The following TUT4 variants were observed in gnomAD, a reference collection of about 807,000 sequenced individuals.
TUT4 encodes terminal uridylyl transferase 4.
TUT4 carries 36 observed loss-of-function variants against 192.2 expected under a neutral mutation model. The ratio of observed to expected loss-of-function variants is 0.19; its 90% CI spans 0.14 to 0.25. TUT4 has a LOEUF of 0.25. Among genes scored for constraint, TUT4 ranks in the 10% least tolerant of loss-of-function variants. The probability of loss-of-function intolerance (pLI) is 1.00; values close to 1 mark genes in which losing one functional copy is unlikely to be tolerated. For missense variants in TUT4, 1,493 were observed against 1,957.2 expected (o/e 0.76, Z 4.47); for synonymous variants, 618 against 666.0 (o/e 0.93, Z 1.11).
intron 1 of TUT4, among the ~76,000 whole-genome samples, chr1:52,527,595 A>C (rs574550124): frequency 3.9e-5 from 6 of 152,246 alleles, no homozygotes; most frequent in Admixed American, 1.3e-4. Context: ...TTAAAAAAAA[A>C]CAAAAGTAAT....
rs767917546 is a variant in TUT4, at chr1:52,481,576, C to T, written c.1695G>A (p.Glu565=). ...AATTACATTCCCACTTCACAAACTT[C>T]TCTTCTACTATGCCCTTCAGCTGAA... The part of the protein sequence containing the change: ...DDFQLKGIVE[E]KFVKWECNSS... Residue 565 remains glutamate, a synonymous_variant, in exon 11 of 30, where the codon GAG becomes GAA. Coordinates refer to ENST00000257177, the MANE Select transcript of TUT4 (RefSeq NM_001009881.3). 6.2e-7 allele frequency: 1 copy of T among 1,613,718 alleles called. No individual in the cohort carries two copies.
intron 2 of TUT4, among the ~76,000 whole-genome samples, chr1:52,523,482 G>A (rs961020269): frequency 5.9e-5 from 9 of 152,070 alleles, no homozygotes; most frequent in African/African-American, 2.2e-4. Context: ...GCGCACACCT[G>A]TAGTCCCAGC....
chr1:52,499,325 G>A (rs140396798), intron 4 of TUT4, among the ~76,000 whole-genome samples: 380 of 151,930 alleles, frequency 2.5e-3, no homozygotes, highest in Non-Finnish European at 4.4e-3. Flanking sequence ...CTTGAACCCG[G>A]AAGCAGAGGT....
At chr1:52,464,971 G>T in intron 16 of TUT4, 99 bp downstream of exon 16, 2 of 885,928 alleles carry the variant, frequency 2.3e-6, no homozygotes, top group South Asian at 2.0e-5. Flanking sequence ...TTTATACAAA[G>T]AGTGATACCA....
chr1:52,546,832 A>AT (rs1688202029), intron 1 of TUT4, among the ~76,000 whole-genome samples: 1 of 152,104 alleles, frequency 6.6e-6, no homozygotes, highest in Non-Finnish European at 1.5e-5. Context: ...TGTAAATAAT[A>AT]TATCTAAAAA....
At chr1:52,461,421 C>A in intron 18 of TUT4, 92 bp downstream of exon 18, 1 of 1,317,640 alleles carries the variant, frequency 7.6e-7, no homozygotes, top group Non-Finnish European at 1.1e-6. Context: ...TTTCCTTATA[C>A]TGTTCACATT....
At chr1:52,547,409 ACCTT>A (rs947434102) in intron 1 of TUT4, among the ~76,000 whole-genome samples, 6 of 151,880 alleles carry the variant, frequency 4.0e-5, no homozygotes, top group African/African-American at 1.2e-4. Context: ...AGAAATTGGA[ACCTT>A]CCATACATTG....
chr1:52,458,299 C>CA (rs749490772), intron 20 of TUT4, 37 bp downstream of exon 20: 332 of 1,512,904 alleles, frequency 2.2e-4, no homozygotes, highest in South Asian at 1.3e-3. Flanking sequence ...CTATTGTTTT[C>CA]AAAAAAAACT....
At chr1:52,442,475 T>C (rs1655950669) in intron 24 of TUT4, among the ~76,000 whole-genome samples, 1 of 152,240 alleles carries the variant, frequency 6.6e-6, no homozygotes, top group South Asian at 2.1e-4. Flanking sequence ...AAGGACATTT[T>C]TGACCATACA....
At chr1:52,432,263 T>C (rs1333133318) in intron 27 of TUT4, 6 of 152,150 alleles carry the variant, frequency 3.9e-5, no homozygotes, top group African/African-American at 1.4e-4. Context: ...AAAAGTGATC[T>C]TTTAGCTGAG....
intron 28 of TUT4, among the ~76,000 whole-genome samples, chr1:52,428,004 TA>T (rs1650545300): frequency 1.3e-5 from 2 of 152,094 alleles, no homozygotes. Flanking sequence ...AGGTACACAT[TA>T]AATGATGCCA....
chr1:52,537,784 G>A (rs542017308), intron 1 of TUT4, among the ~76,000 whole-genome samples: 20 of 152,062 alleles, frequency 1.3e-4, no homozygotes, highest in Non-Finnish European at 2.2e-4. Flanking sequence ...ATGGTGGCGC[G>A]TGCCTGTAAT....
In TUT4 at chr1:52,458,405, A is replaced by G; in HGVS notation, c.3366T>C (p.Tyr1122=). ...GDASRGSLSS[Y]AYILMVLYFL... ...AGTACAGCACCATAAGGATATATGC[A>G]TATGAAGATAAACTTCCCCTGGAAG... Residue 1122 remains tyrosine (Y), a synonymous_variant, in exon 20 of 30, where the codon TAT becomes TAC. Transcript: ENST00000257177. 6.2e-7 allele frequency: 1 copy of G among 1,613,826 alleles called. No homozygotes were observed. Among genetic ancestry groups the G allele is most frequent in the African/African-American group, 1.3e-5 (1 of 75,060 alleles).
chr1:52,513,071 C>T (rs1369300995), intron 3 of TUT4, among the ~76,000 whole-genome samples: 11 of 149,992 alleles, frequency 7.3e-5, no homozygotes, highest in Admixed American at 4.7e-4. Context: ...TGCAGTGAGC[C>T]GAGACCGCGC....
At chr1:52,461,848 T>A in intron 16 of TUT4, 79 bp from the exon 17 acceptor site, 1 of 833,148 alleles carries the variant, frequency 1.2e-6, no homozygotes, top group Non-Finnish European at 1.9e-6. Flanking sequence ...CATTTAATAG[T>A]AGCATTTACA....
chr1:52,499,323 C>T (rs904803110), intron 4 of TUT4, among the ~76,000 whole-genome samples: 8 of 151,892 alleles, frequency 5.3e-5, no homozygotes, highest in East Asian at 1.9e-4. Flanking sequence ...TGCTTGAACC[C>T]GGAAGCAGAG....
intron 13 of TUT4, among the ~76,000 whole-genome samples, chr1:52,474,252 A>G (rs958026524): frequency 6.6e-6 from 1 of 152,212 alleles, no homozygotes; most frequent in Non-Finnish European, 1.5e-5. Context: ...CTTGAAAAGA[A>G]AAAGTAGAAA....
Position 52,423,917 on chromosome 1 carries a change from A to T in TUT4, c.*18T>A, listed in dbSNP as rs1417814062. The T allele has an allele frequency of 6.2e-7, 1 of 1,611,776 alleles. No homozygotes were observed. The highest frequency in any genetic ancestry group is 1.1e-5 in the South Asian group (1 of 90,566). Reference sequence around the variant, plus strand: ...TTGCTGTGCATCGGTAGACCAGCTGAAAGAAAATGGACTCGCATTACTCCG... The same window carrying T: ...TTGCTGTGCATCGGTAGACCAGCTGTAAGAAAATGGACTCGCATTACTCCG... On this transcript the variant is annotated 3_prime_UTR_variant, in exon 30 of 30. Transcript: ENST00000257177.
intron 12 of TUT4, among the ~76,000 whole-genome samples, chr1:52,476,651 G>C (rs950403870): frequency 2.6e-5 from 4 of 151,882 alleles, no homozygotes; most frequent in Non-Finnish European, 5.9e-5. Context: ...AATGAAAGAG[G>C]GGGGGAAAAG....
Sources: allele counts gnomAD v4.1 joint callset (sites outside exome capture counted in the v4.1 genomes callset), GRCh38; gene constraint gnomAD v4.1.1; transcripts MANE v1.5; gene names NCBI Gene and HGNC (gene_info 2026-07-23, HGNC 2026-07-21).